The following SDK1 variants were observed in gnomAD, a reference collection of about 807,000 sequenced individuals.
The protein encoded by SDK1 is protein sidekick-1.
Under a neutral mutation model 245.5 loss-of-function variants are expected in SDK1, and 157 were observed. That is an observed-to-expected ratio of 0.64 (90% CI 0.56 to 0.73). SDK1 has a LOEUF of 0.73. SDK1 is among the 30% of genes least tolerant of loss of function. SDK1 has a pLI of 0.00. For missense variants in SDK1, 3,583 were observed against 3,002.3 expected (o/e 1.19, Z -4.52); for synonymous variants, 1,647 against 1,278.5 (o/e 1.29, Z -6.15).
At chr7:3,486,831 A>G (rs1186921354) in intron 1 of SDK1, among the ~76,000 whole-genome samples, 1 of 152,176 alleles carries the variant, frequency 6.6e-6, no homozygotes, top group Non-Finnish European at 1.5e-5. Context: ...ATTTTTGTGA[A>G]CATTCCACAT....
intron 1 of SDK1, among the ~76,000 whole-genome samples, chr7:3,463,496 G>A (rs1161881416): frequency 1.3e-5 from 2 of 152,022 alleles, no homozygotes; most frequent in Non-Finnish European, 2.9e-5. Flanking sequence ...GTTAAATAGG[G>A]ATAATAATTA....
At chr7:3,624,057 C>G (rs919623752) in intron 2 of SDK1, among the ~76,000 whole-genome samples, 2 of 151,970 alleles carry the variant, frequency 1.3e-5, no homozygotes, top group Admixed American at 1.3e-4. Flanking sequence ...ATGAGTAGAA[C>G]CCACGTGGAA....
intron 17 of SDK1, among the ~76,000 whole-genome samples, chr7:4,030,195 C>T (rs929768262): frequency 1.3e-5 from 2 of 152,224 alleles, no homozygotes; most frequent in African/African-American, 4.8e-5. Flanking sequence ...CTTCATCTGT[C>T]TCATCGTGTG....
intron 1 of SDK1, among the ~76,000 whole-genome samples, chr7:3,389,711 G>A (rs1324980138): frequency 1.3e-5 from 2 of 151,668 alleles, no homozygotes; most frequent in Non-Finnish European, 2.9e-5. Flanking sequence ...GGAGCAGTGA[G>A]CTGTGATCGT....
chr7:3,715,270 A>T (rs916384651), intron 4 of SDK1, among the ~76,000 whole-genome samples: 1 of 152,202 alleles, frequency 6.6e-6, no homozygotes, highest in African/African-American at 2.4e-5. Context: ...GCTGCAGACT[A>T]TATATAAATT....
chr7:3,817,647 A>G lies in SDK1; in HGVS notation c.714-3803A>G, dbSNP rs1465099423. On this transcript the variant is annotated intron_variant, in intron 4 of 44. Coordinates refer to ENST00000404826, the MANE Select transcript of SDK1 (RefSeq NM_152744.4). The stretch of plus-strand genomic sequence containing the variant: ...GGCCACAACCCCTGGCCATGCAAAC[A>G]TAGCAGGGAGCTTCCCAGTCGATGC... 3.3e-5 allele frequency among the ~76,000 whole-genome samples: 5 copies of G among 152,232 alleles called. No homozygotes were observed. In the East Asian group the frequency reaches 5.8e-4, roughly 18 times the overall value.
intron 4 of SDK1, among the ~76,000 whole-genome samples, chr7:3,784,841 A>G (rs1055436760): frequency 2.0e-5 from 3 of 152,236 alleles, no homozygotes; most frequent in African/African-American, 4.8e-5. Flanking sequence ...TGATCTGGCA[A>G]TCCCACCTCT....
At position 3,397,712 on chromosome 7, in the gene SDK1, T is replaced by A. The variant is rs559403087; in HGVS notation, c.298+95828T>A. ...TGGATATGTAATTTAATGTTTCTCA[T>A]CAAACTAGACATTTTTGGCTATCAT... On this transcript the variant is annotated intron_variant, in intron 1 of 44. Transcript: ENST00000404826. Among the ~76,000 whole-genome samples the A allele has an allele frequency of 9.2e-5, 14 of 152,238 alleles. No individual in the cohort carries two copies. In the South Asian group the frequency reaches 2.9e-3, roughly 32 times the overall value.
chr7:3,866,235 T>G (rs138240230), intron 5 of SDK1, among the ~76,000 whole-genome samples: 3 of 152,328 alleles, frequency 2.0e-5, no homozygotes, highest in African/African-American at 7.2e-5. Context: ...CATTCATTAC[T>G]TCAATAAATA....
At chr7:3,682,052 A>G (rs1230013105) in intron 4 of SDK1, among the ~76,000 whole-genome samples, 1 of 152,210 alleles carries the variant, frequency 6.6e-6, no homozygotes, top group Non-Finnish European at 1.5e-5. Flanking sequence ...TATATCAGTT[A>G]AAGTAGTTGT....
intron 1 of SDK1, among the ~76,000 whole-genome samples, chr7:3,308,124 A>G (rs1353583812): frequency 1.3e-5 from 2 of 152,182 alleles, no homozygotes; most frequent in Non-Finnish European, 2.9e-5. Context: ...AGGTTCTGTA[A>G]AACAAATTGG....
At chr7:3,988,434 C>T (rs1287447651) in intron 14 of SDK1, among the ~76,000 whole-genome samples, 1 of 152,102 alleles carries the variant, frequency 6.6e-6, no homozygotes, top group African/African-American at 2.4e-5. Context: ...AGCAGCAACA[C>T]TGATCTTCCT....
intron 4 of SDK1, among the ~76,000 whole-genome samples, chr7:3,790,752 G>A (rs941227942): frequency 6.6e-6 from 1 of 152,198 alleles, no homozygotes; most frequent in Non-Finnish European, 1.5e-5. Context: ...GTTACAGTGA[G>A]CTGAGATCAT....
chr7:3,388,707 A>T (rs1781671415), intron 1 of SDK1, among the ~76,000 whole-genome samples: 1 of 152,206 alleles, frequency 6.6e-6, no homozygotes, highest in Non-Finnish European at 1.5e-5. Flanking sequence ...TTAAGAGTTG[A>T]TAAAGGGAGA....
intron 1 of SDK1, among the ~76,000 whole-genome samples, chr7:3,594,238 A>G (rs1389064556): frequency 1.3e-5 from 2 of 152,230 alleles, no homozygotes; most frequent in East Asian, 3.8e-4. Context: ...GTTTCACTCA[A>G]CATAGTGTTT....
intron 13 of SDK1, among the ~76,000 whole-genome samples, chr7:3,977,913 G>A (rs185461695): frequency 3.8e-4 from 58 of 152,262 alleles, no homozygotes; most frequent in African/African-American, 1.1e-3. Flanking sequence ...GCCCATTGGC[G>A]GGCCTCCTTC....
chr7:3,899,632 G>A (rs1781715074), intron 5 of SDK1, among the ~76,000 whole-genome samples: 1 of 152,168 alleles, frequency 6.6e-6, no homozygotes, highest in Admixed American at 6.5e-5. Flanking sequence ...TCCCTCCCAG[G>A]CCTGCTCAGC....
At chr7:3,979,854 C>A (rs898944675) in intron 13 of SDK1, among the ~76,000 whole-genome samples, 4 of 152,188 alleles carry the variant, frequency 2.6e-5, no homozygotes, top group Admixed American at 6.5e-5. Context: ...ATTGTTAAAT[C>A]ATTTAAAGAC....
In SDK1 at chr7:4,221,333, C is replaced by A; in HGVS notation, c.5796C>A (p.Thr1932=). ...WTEGHSGDTP[T]TGYVIEARPS... is the part of the protein sequence containing the mutation. ...AGGGACACTCTGGCGACACACCTAC[C>A]ACGGGCTATGTGATCGAGGCCCGGC... is the stretch of plus-strand genomic sequence containing the variant. Residue 1932 remains threonine, a synonymous_variant, in exon 40 of 45, where the codon ACC becomes ACA. Coordinates refer to ENST00000404826, the MANE Select transcript of SDK1 (RefSeq NM_152744.4). 1 of 1,612,570 alleles carries A rather than the reference C, an allele frequency of 6.2e-7. No homozygotes were observed. The highest frequency in any genetic ancestry group is 2.2e-5 in the East Asian group (1 of 44,806).
Sources: allele counts gnomAD v4.1 joint callset (sites outside exome capture counted in the v4.1 genomes callset), GRCh38; gene constraint gnomAD v4.1.1; transcripts MANE v1.5; gene names NCBI Gene and HGNC (gene_info 2026-07-23, HGNC 2026-07-21).